SLC51A: variants seen among roughly 807,000 people sequenced by gnomAD.
SLC51A encodes solute carrier family 51 member A.
A neutral mutation model predicts 34.8 loss-of-function variants in SLC51A; 22 were observed. The ratio of observed to expected loss-of-function variants is 0.63; its 90% CI spans 0.45 to 0.90. The LOEUF is 0.90. SLC51A is among the 40% of genes least tolerant of loss of function. The pLI, the probability that SLC51A is intolerant of heterozygous loss-of-function variation, is 0.00. For synonymous variants in SLC51A, 181 were observed against 176.3 expected (o/e 1.03, Z -0.21); for missense variants, 371 against 414.8 (o/e 0.89, Z 0.92).
chr3:196,218,221 C>T (rs1055449156), intron 2 of SLC51A, among the ~76,000 whole-genome samples: 3 of 152,294 alleles, frequency 2.0e-5, no homozygotes, highest in South Asian at 2.1e-4. Context: ...CGACCTGGGG[C>T]GCTTTTTCAG....
chr3:196,231,450 CATA>C (rs1724027132), intron 7 of SLC51A, among the ~76,000 whole-genome samples: 1 of 152,212 alleles, frequency 6.6e-6, no homozygotes, highest in South Asian at 2.1e-4. Flanking sequence ...ACTCCCAAGG[CATA>C]ATGACTGCCC....
chr3:196,218,306 C>T (rs1359137038), intron 2 of SLC51A, among the ~76,000 whole-genome samples: 4 of 152,232 alleles, frequency 2.6e-5, no homozygotes, highest in South Asian at 2.1e-4. Flanking sequence ...GAGGGCTGCA[C>T]GGCATCCGCC....
rs745399853 is a variant in SLC51A, at chr3:196,229,907, GCCA to G, written c.634-4_634-2del. ...CCTGCCTCACTGACTACTTTCTGTTGCCACCAGATTTCTGAGGGGAGCACAGCT... is the reference window on the plus strand; with the variant it reads ...CCTGCCTCACTGACTACTTTCTGTTGCCAGATTTCTGAGGGGAGCACAGCT... On this transcript the variant is annotated splice_polypyrimidine_tract_variant and splice_region_variant and intron_variant, in intron 6 of 8. Coordinates refer to ENST00000296327, the MANE Select transcript of SLC51A (RefSeq NM_152672.6). The G allele has an allele frequency of 3.8e-6, 6 of 1,590,090 alleles. No individual in the cohort carries two copies. The South Asian group carries it at 6.8e-5, about 18-fold the overall frequency.
intron 8 of SLC51A, chr3:196,232,843 G>A (rs577745577): frequency 1.7e-6 from 1 of 596,814 alleles, no homozygotes; most frequent in South Asian, 2.0e-5. Flanking sequence ...CATAAGAAAT[G>A]GACTGTATGC....
At position 196,216,924 on chromosome 3, in the gene SLC51A, T is replaced by C. The variant is rs1320804950; in HGVS notation, c.38+174T>C. The stretch of plus-strand genomic sequence containing the variant: ...GGGACAACGTGGGTTTGGGCCAGGG[T>C]GTGACACTCCAGGGCCTCGGCCTTG... On this transcript the variant is annotated intron_variant, in intron 1 of 8. Transcript: ENST00000296327. This position sits in a 1 kb window ranked among gnomAD's most constrained non-coding sequence, Gnocchi z 4.5. Among the ~76,000 whole-genome samples, 2 of 152,010 alleles carry C rather than the reference T, an allele frequency of 1.3e-5. No individual in the cohort carries two copies. Among genetic ancestry groups the C allele is most frequent in the African/African-American group, 2.4e-5 (1 of 41,378 alleles).
intron 2 of SLC51A, among the ~76,000 whole-genome samples, chr3:196,221,889 G>A (rs149309867): frequency 0.059 from 8,902 of 151,562 alleles, 317 homozygotes; most frequent in Middle Eastern, 0.16. Flanking sequence ...CTAATTTTTT[G>A]TATATTTTTT....
rs535536498 is a variant in SLC51A at position 196,219,971 on chromosome 3, AGC to A, written c.133+2036_133+2037del. On this transcript the variant is annotated intron_variant, in intron 2 of 8. Transcript: ENST00000296327. ...CAGGCCATTCTGAGTCTGCTAGTCC[AGC>A]AAGCCTCGCCGCAGGCAGAGTGGGG... Among the ~76,000 whole-genome samples the A allele has an allele frequency of 1.3e-3, 201 of 152,388 alleles. No individual in the cohort carries two copies. The Middle Eastern group carries it at 0.02, about 15-fold the overall frequency.
intron 3 of SLC51A, 111 bp from the exon 4 acceptor site, chr3:196,227,553 G>A (rs1400835842): frequency 1.1e-6 from 1 of 894,152 alleles, no homozygotes; most frequent in Non-Finnish European, 1.8e-6. Flanking sequence ...AACGTTTAAG[G>A]AACGCTGCCT....
At chr3:196,227,232 C>G in intron 3 of SLC51A, 113 bp downstream of exon 3, 1 of 1,153,520 alleles carries the variant, frequency 8.7e-7, no homozygotes. Context: ...TGCCACGACC[C>G]GCGGAGGGCC....
intron 4 of SLC51A, 84 bp downstream of exon 4, chr3:196,227,821 G>T: frequency 7.5e-7 from 1 of 1,330,682 alleles, no homozygotes; most frequent in South Asian, 1.3e-5. Flanking sequence ...GATCCCAGCT[G>T]ACCATGTATC....
intron 2 of SLC51A, among the ~76,000 whole-genome samples, chr3:196,219,390 C>T (rs1475910175): frequency 6.6e-6 from 1 of 152,220 alleles, no homozygotes; most frequent in African/African-American, 2.4e-5. Context: ...CTGCTGCATA[C>T]TGACTACCTC....
chr3:196,224,275 AAT>A (rs1472155061), intron 2 of SLC51A, among the ~76,000 whole-genome samples: 1 of 151,876 alleles, frequency 6.6e-6, no homozygotes, highest in Non-Finnish European at 1.5e-5. Context: ...TATTTGGAAA[AAT>A]ATGTTCTTTT....
intron 2 of SLC51A, among the ~76,000 whole-genome samples, chr3:196,226,175 G>A (rs1056310328): frequency 3.9e-5 from 6 of 152,082 alleles, no homozygotes; most frequent in South Asian, 2.1e-4. Flanking sequence ...AAAATTAGCC[G>A]GCCGTGGTGG....
Position 196,228,581 on chromosome 3 carries a change from C to A in SLC51A, c.522-228C>A. The A allele has an allele frequency of 1.6e-6, 1 of 606,896 alleles. No homozygotes were observed. The highest frequency in any genetic ancestry group is 2.9e-6 in the Non-Finnish European group (1 of 343,176). The allele number at this position is 606,896 out of a possible 1,614,324, so 37.6% of individuals were successfully genotyped here. On this transcript the variant is annotated intron_variant, in intron 5 of 8. Transcript: ENST00000296327. The surrounding 1 kb of genome is among the most constrained non-coding windows in gnomAD (Gnocchi z 4.9). Reference sequence around the variant, plus strand: ...GGTGAATGAGGTTGAGGTCACACTCCCAGACCTCGCTCCAAAGACGGAATT... The same window carrying A: ...GGTGAATGAGGTTGAGGTCACACTCACAGACCTCGCTCCAAAGACGGAATT...
Position 196,223,983 on chromosome 3 carries a change from C to T in SLC51A, c.134-2982C>T, listed in dbSNP as rs1476082641. On this transcript the variant is annotated intron_variant, in intron 2 of 8. Transcript: ENST00000296327. ...AAGCAATTCTCCTGCCTCAGCCTCT[C>T]CAGTAGGTGGGATTACAGGTACTCG... is the stretch of plus-strand genomic sequence containing the variant. 5 of 334,488 alleles carry T rather than the reference C, an allele frequency of 1.5e-5. No homozygotes were observed. The Admixed American group carries it at 1.8e-4, about 12-fold the overall frequency. 20.7% of individuals were successfully genotyped at this position (334,488 alleles called of 1,614,324 possible).
intron 2 of SLC51A, chr3:196,225,846 C>T (rs75096911): frequency 0.11 from 17,319 of 152,190 alleles, 1,239 homozygotes; most frequent in South Asian, 0.16. Context: ...GATCTATGGA[C>T]GCACATGTCT....
chr3:196,232,252 C>T (rs1724042631), intron 7 of SLC51A, among the ~76,000 whole-genome samples, 167 bp from the exon 8 acceptor site: 4 of 152,332 alleles, frequency 2.6e-5, no homozygotes, highest in Admixed American at 2.6e-4. Context: ...AGATGAAAAT[C>T]CCACAGATTT....
At position 196,223,923 on chromosome 3, in the gene SLC51A, G is replaced by A. The variant is rs1406450504; in HGVS notation, c.134-3042G>A. ...GGCCCAGGCTGGAGTGCAGTGGTGT[G>A]ATCTCAGCTCAATGCAACCTCCACC... is the stretch of plus-strand genomic sequence containing the variant. On this transcript the variant is annotated intron_variant, in intron 2 of 8. Coordinates refer to ENST00000296327, the MANE Select transcript of SLC51A (RefSeq NM_152672.6). 4.6e-5 allele frequency: 18 copies of A among 390,746 alleles called. 1 individual carries two copies. Among genetic ancestry groups the A allele is most frequent in the African/African-American group, 4.3e-4 (18 of 41,668 alleles). The allele number at this position is 390,746 out of a possible 1,614,324, so 24.2% of individuals were successfully genotyped here.
At chr3:196,227,897 A>C (rs1266652334) in intron 4 of SLC51A, 160 bp downstream of exon 4, 1 of 920,532 alleles carries the variant, frequency 1.1e-6, no homozygotes, top group Non-Finnish European at 1.6e-6. Flanking sequence ...GGAATGCCTC[A>C]TTTTGGCATC....
Sources: allele counts gnomAD v4.1 joint callset (sites outside exome capture counted in the v4.1 genomes callset), GRCh38; gene constraint gnomAD v4.1.1; non-coding constraint Gnocchi (gnomAD v3.1); transcripts MANE v1.5; gene names NCBI Gene and HGNC (gene_info 2026-07-23, HGNC 2026-07-21).